USP25: variants seen among roughly 807,000 people sequenced by gnomAD.
USP25 encodes the protein ubiquitin carboxyl-terminal hydrolase 25.
USP25 carries 85 observed loss-of-function variants against 158.5 expected under a neutral mutation model. The observed-to-expected ratio is 0.54, with a 90% CI of 0.45 to 0.64. The LOEUF (loss-of-function observed/expected upper bound fraction) is 0.64, where lower values mean the gene tolerates loss of function less well. USP25 is among the 30% of genes least tolerant of loss of function. USP25 has a pLI of 0.00. For missense variants in USP25, 1,242 were observed against 1,327.3 expected, an observed-to-expected ratio of 0.94 and a Z score of 1.00; for synonymous variants, 464 against 460.4, an observed-to-expected ratio of 1.01 and a Z score of -0.10.
chr21:15,796,855 T>C (rs2146237415), intron 5 of USP25, among the ~76,000 whole-genome samples: 1 of 151,412 alleles, frequency 6.6e-6, no homozygotes, highest in South Asian at 2.1e-4. Context: ...AAATGGACAA[T>C]AGAAAACAGC....
chr21:15,815,480 G>A (rs1196391993), intron 9 of USP25, among the ~76,000 whole-genome samples: 1 of 152,174 alleles, frequency 6.6e-6, no homozygotes, highest in African/African-American at 2.4e-5. Flanking sequence ...CGTGAAAGCA[G>A]CCAGGAGGGA....
chr21:15,783,590 G>A (rs2035092443), intron 4 of USP25, among the ~76,000 whole-genome samples: 1 of 151,766 alleles, frequency 6.6e-6, no homozygotes, highest in Non-Finnish European at 1.5e-5. Flanking sequence ...CACAGTGCTG[G>A]GAAAAAATAA....
Position 15,790,924 on chromosome 21 carries a change from T to C in USP25, c.393-578T>C, listed in dbSNP as rs185292047. On this transcript the variant is annotated intron_variant, in intron 4 of 25. Transcript: ENST00000400183. ...TTCTAATATTTATTTCATTAAATTT[T>C]CCCAAAGGCAAACTTTTGGGCAAGG... Among the ~76,000 whole-genome samples, 313 of 152,046 alleles carry C rather than the reference T, an allele frequency of 2.1e-3. 1 individual carries two copies. Among genetic ancestry groups the C allele is most frequent in the African/African-American group, 7.2e-3 (299 of 41,532 alleles).
chr21:15,833,760 G>A (rs2037926200), intron 17 of USP25, among the ~76,000 whole-genome samples: 1 of 152,144 alleles, frequency 6.6e-6, no homozygotes, highest in African/African-American at 2.4e-5. Flanking sequence ...CAAGATAAAT[G>A]AGATAATTCT....
intron 23 of USP25, among the ~76,000 whole-genome samples, chr21:15,871,821 A>G (rs1290654584): frequency 6.6e-6 from 1 of 151,942 alleles, no homozygotes; most frequent in Non-Finnish European, 1.5e-5. Flanking sequence ...GGTGACAGAT[A>G]TTACTTGTGG....
At chr21:15,864,522 TG>T (rs2039573997) in intron 21 of USP25, 76 bp downstream of exon 21, 7 of 1,360,692 alleles carry the variant, frequency 5.1e-6, no homozygotes, top group Middle Eastern at 2.2e-4. Flanking sequence ...GATAATTTTT[TG>T]AGTATTTATT....
At chr21:15,758,600 C>G (rs1013352495) in intron 1 of USP25, among the ~76,000 whole-genome samples, 1 of 152,054 alleles carries the variant, frequency 6.6e-6, no homozygotes, top group Non-Finnish European at 1.5e-5. Flanking sequence ...TATAAATTAC[C>G]CAGTGTATTA....
At chr21:15,830,381 C>T (rs1303385709) in intron 14 of USP25, 150 bp from the exon 15 acceptor site, 7 of 542,034 alleles carry the variant, frequency 1.3e-5, no homozygotes, top group Non-Finnish European at 2.2e-5. Flanking sequence ...AATTCATTTT[C>T]TACAGATTTC....
intron 5 of USP25, among the ~76,000 whole-genome samples, chr21:15,794,919 C>T (rs887925529): frequency 2.0e-5 from 3 of 151,318 alleles, no homozygotes; most frequent in Admixed American, 1.3e-4. Context: ...TAAAGTAGTA[C>T]GTGAGGATAT....
chr21:15,784,606 A>G (rs1171832136), intron 4 of USP25, among the ~76,000 whole-genome samples: 1 of 152,166 alleles, frequency 6.6e-6, no homozygotes, highest in African/African-American at 2.4e-5. Flanking sequence ...AATTACAGCA[A>G]TCAAAACACT....
At chr21:15,849,134 T>C (rs529262395) in intron 19 of USP25, among the ~76,000 whole-genome samples, 1 of 152,310 alleles carries the variant, frequency 6.6e-6, no homozygotes, top group South Asian at 2.1e-4. Context: ...AGTTAAGTAC[T>C]TGTTTTAGGA....
chr21:15,848,991 CAA>C (rs141332760), intron 19 of USP25, among the ~76,000 whole-genome samples: 2 of 144,862 alleles, frequency 1.4e-5, no homozygotes, highest in African/African-American at 5.6e-5. Flanking sequence ...ATTATGAAAA[CAA>C]AAAAAATGCT....
chr21:15,806,481 T>C (rs991774752), intron 7 of USP25, among the ~76,000 whole-genome samples: 17 of 151,986 alleles, frequency 1.1e-4, no homozygotes, highest in Admixed American at 9.8e-4. Context: ...TGGGGTATCT[T>C]TTCACATTTA....
intron 20 of USP25, among the ~76,000 whole-genome samples, chr21:15,862,361 A>C (rs1286644356): frequency 6.6e-6 from 1 of 152,052 alleles, no homozygotes; most frequent in Non-Finnish European, 1.5e-5. Context: ...CAACCAGCAT[A>C]ATGCAAACAT....
At chr21:15,757,057 G>C (rs1314039042) in intron 1 of USP25, among the ~76,000 whole-genome samples, 4 of 152,050 alleles carry the variant, frequency 2.6e-5, no homozygotes, top group African/African-American at 9.7e-5. Context: ...AAATGGGAAG[G>C]TACAAACCTT....
chr21:15,778,060 G>A (rs2034760193), intron 4 of USP25, 33 bp downstream of exon 4: 2 of 1,510,082 alleles, frequency 1.3e-6, no homozygotes, highest in East Asian at 2.4e-5. Context: ...GCAGATATAA[G>A]TACTTTTAAA....
At chr21:15,805,445 G>A in intron 7 of USP25, 187 bp downstream of exon 7, 1 of 464,438 alleles carries the variant, frequency 2.2e-6, no homozygotes, top group Non-Finnish European at 3.5e-6. Context: ...TTAAAATAAA[G>A]TTTTAATTTA....
At chr21:15,820,606 G>C (rs2037182525) in intron 10 of USP25, among the ~76,000 whole-genome samples, 1 of 151,914 alleles carries the variant, frequency 6.6e-6, no homozygotes, top group Non-Finnish European at 1.5e-5. Flanking sequence ...CTTGATTTAA[G>C]AGACTGTCAC....
chr21:15,759,140 A>T lies in USP25; in HGVS notation c.46-3751A>T, dbSNP rs1386253336. ...GACATTACAGACTTATAAAAATTAT[A>T]AAGGATTTTATATTAACTAAATGAA... On this transcript the variant is annotated intron_variant, in intron 1 of 25. Coordinates refer to ENST00000400183, the MANE Select transcript of USP25 (RefSeq NM_001283041.3). Among the ~76,000 whole-genome samples, 7 of 152,358 alleles carry T rather than the reference A, an allele frequency of 4.6e-5. No homozygotes were observed. The East Asian group carries it at 1.2e-3, about 25-fold the overall frequency.
Sources: gnomAD v4.1 joint callset for allele counts (sites outside exome capture counted in the v4.1 genomes callset) on GRCh38, gnomAD v4.1.1 for gene constraint, MANE v1.5 for transcripts, NCBI Gene and HGNC (gene_info 2026-07-23, HGNC 2026-07-21) for gene names.